The following DEFB134 variants were observed in gnomAD, a reference collection of about 807,000 sequenced individuals.
DEFB134 encodes the protein defensin beta 134, also known as beta-defensin 134.
In DEFB134, 7 loss-of-function variants were observed where a neutral mutation model predicts 7.4. The ratio of observed to expected loss-of-function variants is 0.95; its 90% CI spans 0.54 to 1.79. The LOEUF (loss-of-function observed/expected upper bound fraction) is 1.79, where lower values mean the gene tolerates loss of function less well. DEFB134 is among the 40% of genes most tolerant of loss of function. The probability of loss-of-function intolerance (pLI) is 0.00; values close to 1 mark genes in which losing one functional copy is unlikely to be tolerated. For missense variants in DEFB134, 105 were observed against 74.8 expected, an observed-to-expected ratio of 1.40 and a Z score of -1.49; for synonymous variants, 33 against 25.0, an observed-to-expected ratio of 1.32 and a Z score of -0.96.
chr8:12,000,353 G>A (rs1172062602), upstream of DEFB134, among the ~76,000 whole-genome samples: 1 of 151,910 alleles, frequency 6.6e-6, no homozygotes, highest in Non-Finnish European at 1.5e-5. Flanking sequence ...ACCAGTATTG[G>A]GCTGAAAGTC....
At chr8:11,999,747 G>A (rs993599211), upstream of DEFB134, among the ~76,000 whole-genome samples, 11 of 152,166 alleles carry the variant, frequency 7.2e-5, no homozygotes, top group Admixed American at 3.9e-4. Flanking sequence ...GTTCACTGTA[G>A]GTGCCACGAG....
In DEFB134 at chr8:11,994,235, T is replaced by C. The variant is rs138019678; in HGVS notation, c.59-113A>G. The C allele has an allele frequency of 7.4e-4, 964 of 1,310,186 alleles. 7 individuals are homozygous for C. In the African/African-American group the frequency reaches 0.013, roughly 18 times the overall value. The allele number at this position is 1,310,186 out of a possible 1,614,324, so 81.2% of individuals were successfully genotyped here. On this transcript the variant is annotated intron_variant, in intron 1 of 1. Coordinates refer to ENST00000526438, the Ensembl canonical transcript of DEFB134. The stretch of plus-strand genomic sequence containing the variant: ...TACCAAGGAGATTTGGTTATGATAA[T>C]TGATCCTGTAACTGAAAAAATTAAT...
rs768817139 is a variant in DEFB134 at position 11,994,119 on chromosome 8, A to T, written c.62T>A (p.Ile21Lys). The change falls in exon 2 of 2, where the codon ATA (isoleucine) becomes AAA (lysine). Residue 21 changes from isoleucine (I) to lysine (K), a missense_variant. Ile to Lys is a moderately radical substitution (Grantham distance 102, BLOSUM62 -3). Coordinates refer to ENST00000526438, the Ensembl canonical transcript of DEFB134. ...GTGCATTTCTGATGATAATGAATTT[A>T]TACCTGGAAGGAAAATGAATAGAAA... 2.1e-5 allele frequency: 34 copies of T among 1,609,972 alleles called. No homozygotes were observed. In the South Asian group the frequency reaches 3.7e-4, roughly 17 times the overall value.
At chr8:12,000,655 A>G (rs1318684183), upstream of DEFB134, among the ~76,000 whole-genome samples, 1 of 152,228 alleles carries the variant, frequency 6.6e-6, no homozygotes, top group Non-Finnish European at 1.5e-5. Context: ...CTATCATAAC[A>G]ATACTATAAA....
chr8:11,994,248 T>C (rs1181318047), intron 1 of DEFB134, 126 bp from the exon 3 acceptor site: 7 of 1,203,048 alleles, frequency 5.8e-6, no homozygotes, highest in African/African-American at 3.1e-5. Flanking sequence ...ATCCTGTAAC[T>C]GAAAAAATTA....
chr8:11,996,114 G>C (rs1800113530), intron 1 of DEFB134, 80 bp downstream of exon 2: 1 of 1,518,312 alleles, frequency 6.6e-7, no homozygotes, highest in Non-Finnish European at 9.1e-7. Context: ...GCCCATGGGT[G>C]GTGTATGTTT....
rs141300877 is a variant in DEFB134 at position 11,996,198 on chromosome 8, C to T, written c.54G>A (p.Leu18=). 6 of 1,613,502 alleles carry T rather than the reference C, an allele frequency of 3.7e-6. No homozygotes were observed. The African/African-American group carries it at 4.0e-5, about 11-fold the overall frequency. ...CCCAAAATATGCCAGTTTTACCTGC[C>T]AGCACTGGATCCCAAAGGAAAAGAA... The change falls in exon 1 of 2, where the codon CTG becomes CTA. Residue 18 remains leucine (L), a synonymous_variant. Transcript: ENST00000526438.
At chr8:11,993,712 A>G (rs1365079335) in exon 2 of DEFB134, 4 of 334,974 alleles carry the variant, frequency 1.2e-5, no homozygotes, top group Admixed American at 4.8e-5. Flanking sequence ...AGAGGGAGAA[A>G]CAGGTGCTGA....
intron 1 of DEFB134, among the ~76,000 whole-genome samples, chr8:11,994,799 T>C (rs1403620950): frequency 1.3e-5 from 2 of 152,190 alleles, no homozygotes; most frequent in Middle Eastern, 3.2e-3. Context: ...TTGAGTATGA[T>C]ATAGACCTTA....
exon 1 of DEFB134, chr8:11,996,297 G>A (rs762721495): frequency 1.9e-5 from 30 of 1,603,018 alleles, no homozygotes; most frequent in East Asian, 4.5e-5. Context: ...GTCTGACATC[G>A]GCTGTCAGGG....
At chr8:11,996,353 G>A (rs1266847752), upstream of DEFB134, 17 of 1,336,444 alleles carry the variant, frequency 1.3e-5, no homozygotes, top group Non-Finnish European at 1.7e-5. Flanking sequence ...AAACCTCTCA[G>A]GGCTGGGGTA....
At chr8:12,000,737 G>A (rs1292443748), upstream of DEFB134, among the ~76,000 whole-genome samples, 2 of 152,086 alleles carry the variant, frequency 1.3e-5, no homozygotes, top group Non-Finnish European at 2.9e-5. Context: ...TTCTTGTGCT[G>A]ATGTAAGATG....
At chr8:11,995,188 G>C (rs1800085088) in intron 1 of DEFB134, among the ~76,000 whole-genome samples, 1 of 152,210 alleles carries the variant, frequency 6.6e-6, no homozygotes, top group South Asian at 2.1e-4. Context: ...CAAGTTATGA[G>C]AATGCAAAAG....
upstream of DEFB134, among the ~76,000 whole-genome samples, chr8:11,997,247 T>C (rs1348100800): frequency 2.0e-5 from 3 of 152,234 alleles, no homozygotes; most frequent in Non-Finnish European, 4.4e-5. Context: ...TAATATGAAT[T>C]AGTTGTTCAT....
At chr8:11,995,408 G>C (rs1421615409) in intron 1 of DEFB134, among the ~76,000 whole-genome samples, 1 of 152,152 alleles carries the variant, frequency 6.6e-6, no homozygotes, top group African/African-American at 2.4e-5. Flanking sequence ...AGTCCATCTA[G>C]GCAGATGAAC....
At chr8:11,995,029 C>A (rs757938073) in intron 1 of DEFB134, among the ~76,000 whole-genome samples, 83 of 152,118 alleles carry the variant, frequency 5.5e-4, no homozygotes, top group Non-Finnish European at 1.0e-3. Flanking sequence ...AGTCATAATG[C>A]CCTGGAGGAT....
chr8:11,994,125 G>A lies in DEFB134; in HGVS notation c.59-3C>T. The A allele has an allele frequency of 1.2e-6, 2 of 1,607,802 alleles. No homozygotes were observed. Among genetic ancestry groups the A allele is most frequent in the Non-Finnish European group, 1.7e-6 (2 of 1,178,004 alleles). ...TTCTGATGATAATGAATTTATACCTGGAAGGAAAATGAATAGAAAGATAAT... is the reference window on the plus strand; with the variant it reads ...TTCTGATGATAATGAATTTATACCTAGAAGGAAAATGAATAGAAAGATAAT... On this transcript the variant is annotated splice_region_variant and splice_polypyrimidine_tract_variant and intron_variant, in intron 1 of 1. Transcript: ENST00000526438.
At chr8:11,997,249 GT>G (rs1215263261), upstream of DEFB134, among the ~76,000 whole-genome samples, 2 of 152,138 alleles carry the variant, frequency 1.3e-5, no homozygotes, top group Non-Finnish European at 2.9e-5. Flanking sequence ...ATATGAATTA[GT>G]TGTTCATTCC....
At chr8:11,994,252 A>T in intron 1 of DEFB134, 130 bp from the exon 3 acceptor site, 1 of 1,152,246 alleles carries the variant, frequency 8.7e-7, no homozygotes, top group Non-Finnish European at 1.2e-6. Flanking sequence ...TGTAACTGAA[A>T]AAATTAATTA....
Sources: gnomAD v4.1 joint callset for allele counts (sites outside exome capture counted in the v4.1 genomes callset) on GRCh38, gnomAD v4.1.1 for gene constraint, MANE v1.5 for transcripts, NCBI Gene and HGNC (gene_info 2026-07-23, HGNC 2026-07-21) for gene names.